Variants in SYNE2 observed in about 807,000 individuals in gnomAD.
The protein encoded by SYNE2 is nesprin-2.
A neutral mutation model predicts 856.3 loss-of-function variants in SYNE2; 431 were observed. The observed-to-expected ratio is 0.50, with a 90% confidence interval of 0.47 to 0.55. The LOEUF is 0.55. Ranked by LOEUF, SYNE2 falls within the 20% of genes least tolerant of loss-of-function variation. The pLI is 0.00. For synonymous variants in SYNE2, 2,923 were observed against 2,872.3 expected, an observed-to-expected ratio of 1.02 and a Z score of -0.56; for missense variants, 8,129 against 8,023.2, an observed-to-expected ratio of 1.01 and a Z score of -0.50.
chr14:64,032,771 C>T (rs2097050797), intron 45 of SYNE2, among the ~76,000 whole-genome samples: 1 of 152,110 alleles, frequency 6.6e-6, no homozygotes, highest in Non-Finnish European at 1.5e-5. Context: ...TGGGGTTTCT[C>T]TAATTTTTTA....
chr14:63,994,060 C>A, intron 22 of SYNE2, 91 bp downstream of exon 22: 3 of 1,360,782 alleles, frequency 2.2e-6, no homozygotes, highest in African/African-American at 1.4e-5. Flanking sequence ...GTTTTCCTGT[C>A]TACGTTGTAT....
chr14:63,953,297 A>G (rs2096192925), intron 7 of SYNE2, among the ~76,000 whole-genome samples: 1 of 152,168 alleles, frequency 6.6e-6, no homozygotes, highest in African/African-American at 2.4e-5. Flanking sequence ...CTGACTCCTC[A>G]AGTGGGAGGC....
rs1340568994 is a variant in SYNE2, at chr14:64,048,017, G to A, written c.7239G>A (p.Met2413Ile). ...TATTTCAGGATTCAGCTGTGGAAAT[G>A]GCTATGTCAAAACAACTTTCTCTTA... is the stretch of plus-strand genomic sequence containing the variant. ...WEINKDSAVE[M>I]AMSKQLSLNA... is the part of the protein sequence containing the mutation. The change falls in exon 46 of 116, where the codon ATG becomes ATA. Residue 2413 changes from methionine to isoleucine, a missense_variant. Physicochemically the swap from Met to Ile is conservative, Grantham distance 10 (BLOSUM62 1). Transcript: ENST00000555002. The A allele has an allele frequency of 6.2e-7, 1 of 1,613,786 alleles. No homozygotes were observed. The highest frequency in any genetic ancestry group is 8.5e-7 in the Non-Finnish European group (1 of 1,179,836).
intron 84 of SYNE2, among the ~76,000 whole-genome samples, chr14:64,150,396 T>A (rs1246533558): frequency 6.6e-6 from 1 of 151,994 alleles, no homozygotes; most frequent in Non-Finnish European, 1.5e-5. Flanking sequence ...ACTTTTGTAT[T>A]TTTTTGTAAC....
chr14:63,974,886 G>A (rs1310630365), intron 11 of SYNE2, among the ~76,000 whole-genome samples: 1,444 of 24,862 alleles, frequency 0.058, 14 homozygotes, highest in Middle Eastern at 0.14. Context: ...GTGTGTGTGT[G>A]TGTGTGTATA....
chr14:64,196,560 C>T (rs1596148946), intron 99 of SYNE2, among the ~76,000 whole-genome samples: 1 of 152,286 alleles, frequency 6.6e-6, no homozygotes, highest in South Asian at 2.1e-4. Flanking sequence ...GATATTTCTT[C>T]TTTAAGAGGA....
At chr14:63,967,627 C>T (rs929153556) in intron 10 of SYNE2, 82 bp from the exon 11 acceptor site, 4 of 1,428,316 alleles carry the variant, frequency 2.8e-6, no homozygotes, top group African/African-American at 2.8e-5. Flanking sequence ...ATATCCTATA[C>T]CTATAGACCT....
chr14:63,989,401 A>G (rs2096650216), intron 19 of SYNE2, among the ~76,000 whole-genome samples: 1 of 152,092 alleles, frequency 6.6e-6, no homozygotes, highest in Admixed American at 6.6e-5. Context: ...GCAGTGGTGC[A>G]GTCTTGGCTC....
At chr14:63,812,330 C>T (rs905724617) in intron 1 of SYNE2, among the ~76,000 whole-genome samples, 18 of 152,124 alleles carry the variant, frequency 1.2e-4, no homozygotes, top group African/African-American at 3.6e-4. Flanking sequence ...CTATTCTGCC[C>T]AACCCTGCAG....
intron 99 of SYNE2, 115 bp downstream of exon 99, chr14:64,190,352 T>A: frequency 7.2e-7 from 1 of 1,390,850 alleles, no homozygotes; most frequent in Admixed American, 1.8e-5. Context: ...AGTTTACAGA[T>A]TAAGGCAAAG....
At chr14:64,016,369 T>G in intron 32 of SYNE2, 104 bp from the exon 33 acceptor site, 1 of 731,152 alleles carries the variant, frequency 1.4e-6, no homozygotes, top group South Asian at 1.9e-5. Context: ...TATTATGCTT[T>G]GTTGGGTATT....
At chr14:63,823,388 G>A (rs922004646) in intron 1 of SYNE2, among the ~76,000 whole-genome samples, 1 of 151,936 alleles carries the variant, frequency 6.6e-6, no homozygotes, top group Non-Finnish European at 1.5e-5. Context: ...TGTTGGCCAG[G>A]CTGGTCTTGA....
At chr14:64,181,348 A>G (rs1211585189) in intron 96 of SYNE2, among the ~76,000 whole-genome samples, 3 of 152,248 alleles carry the variant, frequency 2.0e-5, no homozygotes, top group South Asian at 2.1e-4. Flanking sequence ...TTTGGTAACA[A>G]CGGAAATAAT....
At chr14:63,989,101 T>A (rs1250552012) in intron 19 of SYNE2, among the ~76,000 whole-genome samples, 4 of 152,242 alleles carry the variant, frequency 2.6e-5, no homozygotes, top group Admixed American at 2.6e-4. Flanking sequence ...TTCTATGAAT[T>A]ATCTGTTCTT....
chr14:63,792,444 A>G (rs1887768614), intron 1 of SYNE2, among the ~76,000 whole-genome samples: 1 of 152,030 alleles, frequency 6.6e-6, no homozygotes, highest in African/African-American at 2.4e-5. Context: ...AATCCCAGCT[A>G]CTCGGGAGGC....
intron 31 of SYNE2, among the ~76,000 whole-genome samples, chr14:64,007,820 G>A (rs776130536): frequency 1.8e-4 from 28 of 152,144 alleles, no homozygotes; most frequent in Non-Finnish European, 3.8e-4. Flanking sequence ...AGACCAGCCT[G>A]GCCAACATGG....
intron 50 of SYNE2, among the ~76,000 whole-genome samples, chr14:64,065,176 G>A (rs1397448938): frequency 6.6e-6 from 1 of 151,972 alleles, no homozygotes; most frequent in Non-Finnish European, 1.5e-5. Context: ...ATTTGCTTTT[G>A]AAAGTATGTT....
At chr14:63,862,407 T>C (rs1176470045) in intron 1 of SYNE2, among the ~76,000 whole-genome samples, 1 of 151,022 alleles carries the variant, frequency 6.6e-6, no homozygotes, top group African/African-American at 2.4e-5. Context: ...CCTCGTGTTT[T>C]GATATTTTGT....
intron 97 of SYNE2, among the ~76,000 whole-genome samples, chr14:64,187,987 C>T (rs1192959457): frequency 6.6e-6 from 1 of 152,148 alleles, no homozygotes; most frequent in African/African-American, 2.4e-5. Flanking sequence ...TTTATGGTTT[C>T]CATCCAAAAT....
Sources: allele counts gnomAD v4.1 joint callset (sites outside exome capture counted in the v4.1 genomes callset), GRCh38; gene constraint gnomAD v4.1.1; transcripts MANE v1.5; gene names NCBI Gene and HGNC (gene_info 2026-07-23, HGNC 2026-07-21).